Variants in CAPZA1 observed in about 807,000 individuals in gnomAD.
The protein encoded by CAPZA1 is F-actin-capping protein subunit alpha-1.
CAPZA1 carries 10 observed loss-of-function variants against 40.8 expected under a neutral mutation model. The ratio of observed to expected loss-of-function variants is 0.25; its 90% confidence interval spans 0.15 to 0.42. The LOEUF is 0.42. Ranked by LOEUF, CAPZA1 falls within the 10% of genes least tolerant of loss-of-function variation. The probability of loss-of-function intolerance (pLI) is 1.00; values close to 1 mark genes in which losing one functional copy is unlikely to be tolerated. For missense variants in CAPZA1, 277 were observed against 353.8 expected, an observed-to-expected ratio of 0.78 and a Z score of 1.74; for synonymous variants, 98 against 115.0, an observed-to-expected ratio of 0.85 and a Z score of 0.95.
chr1:112,621,010 G>T (rs4838960), intron 1 of CAPZA1, among the ~76,000 whole-genome samples: 108,277 of 152,120 alleles, frequency 0.71, 39,070 homozygotes, highest in South Asian at 0.86. Context: ...AAGAAGTTGG[G>T]ATGGGAAGGG....
intron 8 of CAPZA1, 76 bp downstream of exon 8, chr1:112,667,221 C>A: frequency 2.0e-6 from 2 of 1,010,314 alleles, no homozygotes; most frequent in Non-Finnish European, 3.0e-6. Context: ...ATCCTGAGTG[C>A]TGATTCTGCC....
intron 1 of CAPZA1, among the ~76,000 whole-genome samples, chr1:112,638,425 C>T (rs1337864466): frequency 6.6e-6 from 1 of 152,120 alleles, no homozygotes; most frequent in Non-Finnish European, 1.5e-5. Context: ...AGCAGTTCTC[C>T]TGCCTCAGCC....
chr1:112,649,205 C>CT (rs1671339845), intron 2 of CAPZA1, among the ~76,000 whole-genome samples: 1 of 152,192 alleles, frequency 6.6e-6, no homozygotes, highest in African/African-American at 2.4e-5. Flanking sequence ...TTGTCATTTG[C>CT]TATAAAGTTC....
At chr1:112,644,669 A>G (rs1671248848) in intron 1 of CAPZA1, among the ~76,000 whole-genome samples, 1 of 152,172 alleles carries the variant, frequency 6.6e-6, no homozygotes, top group Admixed American at 6.5e-5. Context: ...GCCCTACCTT[A>G]GGGAGTTGAA....
intron 6 of CAPZA1, 54 bp downstream of exon 6, chr1:112,659,155 A>G: frequency 8.1e-7 from 1 of 1,232,226 alleles, no homozygotes; most frequent in Non-Finnish European, 1.2e-6. Flanking sequence ...AGCAGTTGAG[A>G]CTTGGTTTTT....
intron 2 of CAPZA1, among the ~76,000 whole-genome samples, chr1:112,648,742 C>A (rs1054576855): frequency 6.6e-6 from 1 of 151,948 alleles, no homozygotes; most frequent in East Asian, 1.9e-4. Flanking sequence ...GTGAGCAGAT[C>A]GCCTTAGGTC....
intron 3 of CAPZA1, among the ~76,000 whole-genome samples, chr1:112,652,126 C>T (rs1311290356): frequency 6.7e-6 from 1 of 148,334 alleles, no homozygotes; most frequent in African/African-American, 2.5e-5. Flanking sequence ...ATCACCCCCA[C>T]CCCCCAAAAA....
rs189346901 is a variant in CAPZA1, at chr1:112,670,788, A to G, written c.*656A>G. ...TGAACCACATTCCCTGCACATGAAC[A>G]TGTTTGCTTTTATCCCTTCTCTCAT... On this transcript the variant is annotated 3_prime_UTR_variant, in exon 10 of 10. Coordinates refer to ENST00000263168, the MANE Select transcript of CAPZA1 (RefSeq NM_006135.3). The G allele has an allele frequency of 4.6e-5, 7 of 152,624 alleles. No individual in the cohort carries two copies. The highest frequency in any genetic ancestry group is 8.8e-5 in the Non-Finnish European group (6 of 68,044). The allele number at this position is 152,624 out of a possible 1,614,324, so 9.5% of individuals were successfully genotyped here. A position where few individuals can be genotyped will look rare whatever the true frequency, so the allele number is the denominator to read the frequency against.
At chr1:112,649,065 C>G (rs1260349239) in intron 2 of CAPZA1, among the ~76,000 whole-genome samples, 1 of 152,116 alleles carries the variant, frequency 6.6e-6, no homozygotes, top group Non-Finnish European at 1.5e-5. Flanking sequence ...CTCTTACTGA[C>G]TGAATTGTGC....
chr1:112,633,948 TGA>T (rs1670970088), intron 1 of CAPZA1, among the ~76,000 whole-genome samples: 2 of 152,180 alleles, frequency 1.3e-5, no homozygotes. Context: ...TTCTTGCTAT[TGA>T]GTTGTTTTGA....
intron 1 of CAPZA1, chr1:112,620,100 G>C (rs1670569388): frequency 2.0e-6 from 1 of 510,828 alleles, no homozygotes; most frequent in Non-Finnish European, 3.5e-6. Flanking sequence ...TTTTCTCTCA[G>C]GCCTGAGGCA....
intron 6 of CAPZA1, 128 bp downstream of exon 6, chr1:112,659,229 G>A: frequency 1.5e-6 from 1 of 668,904 alleles, no homozygotes; most frequent in South Asian, 1.7e-5. Context: ...ATAAATGAGG[G>A]ATTTAGATTC....
intron 1 of CAPZA1, among the ~76,000 whole-genome samples, chr1:112,641,048 C>T (rs530454030): frequency 2.0e-5 from 3 of 152,244 alleles, no homozygotes; most frequent in African/African-American, 7.2e-5. Context: ...GTCATCACCA[C>T]TCCCCAATCT....
At chr1:112,643,432 A>C (rs1465476244) in intron 1 of CAPZA1, among the ~76,000 whole-genome samples, 21 of 152,204 alleles carry the variant, frequency 1.4e-4, no homozygotes, top group Admixed American at 1.4e-3. Context: ...GTACCTAAGA[A>C]TATTCTAACA....
At chr1:112,650,325 G>T (rs1258626487) in intron 3 of CAPZA1, among the ~76,000 whole-genome samples, 1 of 152,164 alleles carries the variant, frequency 6.6e-6, no homozygotes, top group Non-Finnish European at 1.5e-5. Context: ...TGTCCATGCT[G>T]CTTTTTTGGA....
Position 112,659,217 on chromosome 1 carries a change from C to G in CAPZA1, c.506+116C>G. ...TAACTTACAGACTTCAGTTTTCCAT[C>G]TATAAATGAGGGATTTAGATTCCTT... On this transcript the variant is annotated intron_variant, in intron 6 of 9. Coordinates refer to ENST00000263168, the MANE Select transcript of CAPZA1 (RefSeq NM_006135.3). 3 of 704,204 alleles carry G rather than the reference C, an allele frequency of 4.3e-6. No individual in the cohort carries two copies. The South Asian group carries it at 4.8e-5, about 11-fold the overall frequency. The allele number at this position is 704,204 out of a possible 1,614,324, so 43.6% of individuals were successfully genotyped here.
At chr1:112,655,938 G>A (rs1171951560) in intron 5 of CAPZA1, among the ~76,000 whole-genome samples, 2 of 151,922 alleles carry the variant, frequency 1.3e-5, no homozygotes, top group Non-Finnish European at 2.9e-5. Flanking sequence ...TAAAATTATG[G>A]CATATTAAGA....
chr1:112,641,768 A>AATCCCAGCTACTCAAGAGGCTGAGGCCGG (rs1553179446), intron 1 of CAPZA1, among the ~76,000 whole-genome samples: 2 of 151,850 alleles, frequency 1.3e-5, no homozygotes, highest in Non-Finnish European at 2.9e-5. Context: ...ACGTTCCTGT[A>AATCCCAGCTACTCAAGAGGCTGAGGCCGG]ATCCCAGCTA....
intron 8 of CAPZA1, among the ~76,000 whole-genome samples, chr1:112,668,506 T>G (rs895200847): frequency 1.3e-5 from 2 of 152,198 alleles, no homozygotes; most frequent in African/African-American, 4.8e-5. Flanking sequence ...TTTGTTTGTT[T>G]TTTTGAGATG....
Sources: allele counts gnomAD v4.1 joint callset (sites outside exome capture counted in the v4.1 genomes callset), GRCh38; gene constraint gnomAD v4.1.1; transcripts MANE v1.5; gene names NCBI Gene and HGNC (gene_info 2026-07-23, HGNC 2026-07-21).